The following ARID5B variants were observed in gnomAD, a reference collection of about 807,000 sequenced individuals.
The protein encoded by ARID5B is AT-rich interaction domain 5B, also known as AT-rich interactive domain-containing protein 5B.
In ARID5B, 13 loss-of-function variants were observed where a neutral mutation model predicts 97.2. That is an observed-to-expected ratio of 0.13 (90% CI 0.09 to 0.21). The LOEUF is 0.21. ARID5B is among the 10% of genes least tolerant of loss of function. The pLI, the probability that ARID5B is intolerant of heterozygous loss-of-function variation, is 1.00. For missense variants in ARID5B, 1,210 were observed against 1,465.3 expected, an observed-to-expected ratio of 0.83 and a Z score of 2.84; for synonymous variants, 556 against 570.3, an observed-to-expected ratio of 0.97 and a Z score of 0.36.
chr10:62,070,876 C>A (rs1195734702), intron 8 of ARID5B, among the ~76,000 whole-genome samples: 2 of 152,046 alleles, frequency 1.3e-5, no homozygotes, highest in Non-Finnish European at 2.9e-5. Flanking sequence ...GTGTTTAATA[C>A]AAAAACTCAC....
rs781136944 is a variant in ARID5B at position 62,091,319 on chromosome 10, T to C, written c.1856T>C (p.Met619Thr). 6.8e-6 allele frequency: 11 copies of C among 1,614,078 alleles called. No individual in the cohort carries two copies. The highest frequency in any genetic ancestry group is 9.3e-6 in the Non-Finnish European group (11 of 1,180,030). The change falls in exon 10 of 10, where the codon ATG (methionine) becomes ACG (threonine). Residue 619 changes from methionine to threonine, a missense_variant. Physicochemically the swap from Met to Thr is moderately conservative, Grantham distance 81. This residue lies in a region of ARID5B where 800 missense variants were observed against 839.1 expected (regional missense o/e 0.95). Coordinates refer to ENST00000279873, the MANE Select transcript of ARID5B (RefSeq NM_032199.3). ...ACGGAGGATGACAAACTGCCCGCCA[T>C]GGCAGATTACATTGCCAACTGCACC... ...NETEDDKLPA[M>T]ADYIANCTVK...
At chr10:62,041,738 G>A (rs951607612) in intron 4 of ARID5B, among the ~76,000 whole-genome samples, 3 of 152,170 alleles carry the variant, frequency 2.0e-5, no homozygotes, top group Non-Finnish European at 1.5e-5. Context: ...CTGTAGAGAG[G>A]TAGCAAATCA....
chr10:62,092,032 C>T lies in ARID5B; in HGVS notation c.2569C>T (p.Pro857Ser). The change falls in exon 10 of 10, where the codon CCT becomes TCT. Residue 857 changes from proline to serine, a missense_variant. Transcript: ENST00000279873. The part of the protein sequence containing the change: ...HLHNEQTSKY[P>S]SRDMYRESEN... ...TCATAATGAACAGACATCCAAATAC[C>T]CTTCCAGGGACATGTACAGGGAATC... is the stretch of plus-strand genomic sequence containing the variant. 2 of 1,614,148 alleles carry T rather than the reference C, an allele frequency of 1.2e-6. No individual in the cohort carries two copies. The highest frequency in any genetic ancestry group is 8.5e-7 in the Non-Finnish European group (1 of 1,180,024).
chr10:62,087,624 C>T (rs1014225482), intron 9 of ARID5B, among the ~76,000 whole-genome samples: 13 of 151,668 alleles, frequency 8.6e-5, no homozygotes, highest in African/African-American at 2.9e-4. Flanking sequence ...ATTAAATACC[C>T]CCTAAAAAAT....
At chr10:62,028,477 C>T (rs2393736) in intron 4 of ARID5B, among the ~76,000 whole-genome samples, 311 of 152,138 alleles carry the variant, frequency 2.0e-3, no homozygotes, top group African/African-American at 7.3e-3. Flanking sequence ...AGGCAGGGGA[C>T]GCAGCAACAA....
chr10:62,086,856 GTC>G (rs2132979166), intron 9 of ARID5B, among the ~76,000 whole-genome samples: 1 of 133,730 alleles, frequency 7.5e-6, no homozygotes, highest in Admixed American at 7.5e-5. Flanking sequence ...GTGAAGCCGT[GTC>G]TCAAAAAAAA....
chr10:62,023,573 G>T (rs887821800), intron 4 of ARID5B, among the ~76,000 whole-genome samples: 6 of 152,202 alleles, frequency 3.9e-5, no homozygotes, highest in African/African-American at 1.4e-4. Context: ...AGTGGAAGAG[G>T]ATAAGGAATT....
At chr10:62,008,867 C>T (rs1275504775) in intron 4 of ARID5B, among the ~76,000 whole-genome samples, 1 of 152,206 alleles carries the variant, frequency 6.6e-6, no homozygotes. Context: ...TTTCATTATA[C>T]ACCTCTCCGT....
chr10:61,969,619 TC>T (rs1448090249), intron 3 of ARID5B, among the ~76,000 whole-genome samples: 12 of 152,156 alleles, frequency 7.9e-5, no homozygotes, highest in African/African-American at 2.9e-4. Context: ...CATTTTCAAG[TC>T]ATTGACATTC....
At chr10:62,001,912 T>A (rs1453488819) in intron 4 of ARID5B, among the ~76,000 whole-genome samples, 1 of 152,236 alleles carries the variant, frequency 6.6e-6, no homozygotes, top group African/African-American at 2.4e-5. Context: ...ATGTATGCAA[T>A]ACATTTTTTT....
intron 2 of ARID5B, among the ~76,000 whole-genome samples, chr10:61,921,736 G>A (rs1038063472): frequency 2.0e-5 from 3 of 152,172 alleles, no homozygotes; most frequent in Non-Finnish European, 4.4e-5. Flanking sequence ...ATTACAGCTG[G>A]CAACAGAGCC....
chr10:62,011,080 G>A lies in ARID5B; in HGVS notation c.733+10759G>A, dbSNP rs1439681529. 2.0e-5 allele frequency among the ~76,000 whole-genome samples: 3 copies of A among 152,220 alleles called. No individual in the cohort carries two copies. In the East Asian group the frequency reaches 5.8e-4, roughly 29 times the overall value. On this transcript the variant is annotated intron_variant, in intron 4 of 9. Transcript: ENST00000279873. ...CCCAAGGATCCTTTATGGATCACTG[G>A]CTTACTGCATATGATTGACAGTTGA...
At chr10:62,082,652 C>CT (rs2132973096) in intron 8 of ARID5B, among the ~76,000 whole-genome samples, 1 of 152,184 alleles carries the variant, frequency 6.6e-6, no homozygotes, top group South Asian at 2.1e-4. Flanking sequence ...CAATGTTGAC[C>CT]TAATCTAAGG....
chr10:61,949,134 A>ACGGT (rs1838284646), intron 3 of ARID5B, among the ~76,000 whole-genome samples: 1 of 152,228 alleles, frequency 6.6e-6, no homozygotes, highest in African/African-American at 2.4e-5. Flanking sequence ...TGCCTCAGTA[A>ACGGT]CGGTCTACAG....
intron 4 of ARID5B, among the ~76,000 whole-genome samples, chr10:62,001,480 G>A (rs1426690946): frequency 6.6e-6 from 1 of 152,164 alleles, no homozygotes; most frequent in African/African-American, 2.4e-5. Flanking sequence ...AGATTATCCA[G>A]ATTCAGGTTA....
At chr10:62,057,441 A>G in intron 6 of ARID5B, 123 bp downstream of exon 6, 1 of 1,002,104 alleles carries the variant, frequency 1.0e-6, no homozygotes, top group South Asian at 1.7e-5. Flanking sequence ...CTCTGTTTAT[A>G]CTAAATCCAT....
chr10:62,008,821 ACT>A (rs1199029650), intron 4 of ARID5B, among the ~76,000 whole-genome samples: 1 of 152,010 alleles, frequency 6.6e-6, no homozygotes, highest in African/African-American at 2.4e-5. Flanking sequence ...GTTCTCATGG[ACT>A]CTGTGAGACA....
intron 3 of ARID5B, among the ~76,000 whole-genome samples, chr10:61,984,227 C>G (rs1838816623): frequency 6.6e-6 from 1 of 152,202 alleles, no homozygotes; most frequent in Non-Finnish European, 1.5e-5. Flanking sequence ...CCTCCTTGGT[C>G]TGGAGTCTCA....
At chr10:62,020,846 G>A (rs149783055) in intron 4 of ARID5B, among the ~76,000 whole-genome samples, 2,621 of 151,944 alleles carry the variant, frequency 0.017, 28 homozygotes, top group Non-Finnish European at 0.025. Flanking sequence ...GAAAGGAGCG[G>A]TTATTGGGAG....
Sources: gnomAD v4.1 joint callset for allele counts (sites outside exome capture counted in the v4.1 genomes callset) on GRCh38, gnomAD v4.1.1 for gene constraint, gnomAD v4.1.1 regional missense constraint, MANE v1.5 for transcripts, NCBI Gene and HGNC (gene_info 2026-07-23, HGNC 2026-07-21) for gene names.